BMPR1B: variants seen among roughly 807,000 people sequenced by gnomAD.
The protein encoded by BMPR1B is bone morphogenetic protein receptor type 1B.
BMPR1B carries 12 observed loss-of-function variants against 59.1 expected under a neutral mutation model. The observed-to-expected ratio is 0.20, with a 90% confidence interval of 0.13 to 0.33. BMPR1B has a LOEUF of 0.33. Among genes scored for constraint, BMPR1B ranks in the 10% least tolerant of loss-of-function variants. The probability of loss-of-function intolerance (pLI) is 1.00; values close to 1 mark genes in which losing one functional copy is unlikely to be tolerated. For synonymous variants in BMPR1B, 237 were observed against 207.3 expected, an observed-to-expected ratio of 1.14 and a Z score of -1.23; for missense variants, 550 against 610.9, an observed-to-expected ratio of 0.90 and a Z score of 1.05.
intron 3 of BMPR1B, among the ~76,000 whole-genome samples, chr4:95,080,249 T>G (rs1159034827): frequency 6.6e-6 from 1 of 152,206 alleles, no homozygotes; most frequent in Non-Finnish European, 1.5e-5. Context: ...TATGTACGTA[T>G]GTATGTATAT....
intron 3 of BMPR1B, among the ~76,000 whole-genome samples, chr4:95,046,498 G>C (rs188987802): frequency 1.8e-4 from 27 of 152,252 alleles, no homozygotes; most frequent in Admixed American, 1.2e-3. Context: ...TTAACAGTTA[G>C]GTAATGAGCA....
chr4:95,103,767 ATAGG>A (rs1364451583), intron 3 of BMPR1B, among the ~76,000 whole-genome samples: 1 of 152,098 alleles, frequency 6.6e-6, no homozygotes, highest in African/African-American at 2.4e-5. Flanking sequence ...CACTACAGTA[ATAGG>A]TAGGCATTTT....
At position 95,104,415 on chromosome 4, in the gene BMPR1B, C is replaced by T. The variant is rs957197023; in HGVS notation, c.-10C>T. The T allele has an allele frequency of 3.1e-6, 5 of 1,612,858 alleles. No individual in the cohort carries two copies. In the African/African-American group the frequency reaches 6.7e-5, roughly 22 times the overall value. ...CACTATTTCTTCTTTCAGCAAACTT[C>T]CTTGATAACATGCTTTTGCGAAGTG... On this transcript the variant is annotated 5_prime_UTR_variant, in exon 4 of 13. Transcript: ENST00000515059.
intron 3 of BMPR1B, among the ~76,000 whole-genome samples, chr4:95,096,794 T>G (rs1730427419): frequency 7.3e-6 from 1 of 137,434 alleles, no homozygotes; most frequent in Non-Finnish European, 1.5e-5. Context: ...ACTATATATC[T>G]ATATATAGAA....
At chr4:94,941,380 C>A (rs965374352) in intron 2 of BMPR1B, among the ~76,000 whole-genome samples, 12 of 149,956 alleles carry the variant, frequency 8.0e-5, no homozygotes, top group Admixed American at 4.0e-4. Flanking sequence ...TGCAGTGAGC[C>A]GAGATTGCAC....
At chr4:95,009,838 A>T (rs1216527152) in intron 3 of BMPR1B, among the ~76,000 whole-genome samples, 1 of 152,194 alleles carries the variant, frequency 6.6e-6, no homozygotes, top group African/African-American at 2.4e-5. Context: ...TCTGGGCCTC[A>T]GTGTACTCAT....
At chr4:94,791,180 G>A (rs1017279749) in intron 1 of BMPR1B, among the ~76,000 whole-genome samples, 21 of 152,110 alleles carry the variant, frequency 1.4e-4, no homozygotes, top group African/African-American at 4.8e-4. Context: ...GTAAAGATGG[G>A]GTTTCACCAT....
chr4:94,800,262 G>A (rs1390441167), intron 1 of BMPR1B, among the ~76,000 whole-genome samples: 2 of 152,142 alleles, frequency 1.3e-5, no homozygotes. Flanking sequence ...TGCAGGAAGA[G>A]CTTTTGGATT....
intron 3 of BMPR1B, among the ~76,000 whole-genome samples, chr4:95,049,913 C>A (rs1726354146): frequency 6.6e-6 from 1 of 151,970 alleles, no homozygotes; most frequent in Admixed American, 6.6e-5. Flanking sequence ...GATATGAGTT[C>A]TTTTGAACTG....
chr4:94,791,224 AGT>A lies in BMPR1B; in HGVS notation c.-183+33158_-183+33159del, dbSNP rs539910439. The stretch of plus-strand genomic sequence containing the variant: ...GGCTGGTCTCGAACTCCTGATCTCA[AGT>A]GATCCACCTGCCTTGGCCTCCCAAA... On this transcript the variant is annotated intron_variant, in intron 1 of 12. Coordinates refer to ENST00000515059, the MANE Select transcript of BMPR1B (RefSeq NM_001203.3). Among the ~76,000 whole-genome samples, 7 of 152,220 alleles carry A rather than the reference AGT, an allele frequency of 4.6e-5. No homozygotes were observed. In the East Asian group the frequency reaches 1.4e-3, roughly 29 times the overall value.
chr4:95,064,027 C>T (rs1225105092), intron 3 of BMPR1B, among the ~76,000 whole-genome samples: 1 of 152,006 alleles, frequency 6.6e-6, no homozygotes, highest in Non-Finnish European at 1.5e-5. Context: ...AACCCTTAAC[C>T]ACTGTTAGTT....
intron 2 of BMPR1B, among the ~76,000 whole-genome samples, chr4:94,890,624 C>T (rs1379638963): frequency 6.6e-6 from 1 of 151,986 alleles, no homozygotes; most frequent in African/African-American, 2.4e-5. Context: ...TATTTTTTTC[C>T]ACAGTTCTGG....
chr4:95,104,674 C>G, intron 4 of BMPR1B, 107 bp downstream of exon 4: 1 of 1,365,312 alleles, frequency 7.3e-7, no homozygotes, highest in South Asian at 1.2e-5. Context: ...AGAACAATGC[C>G]TAACACTATC....
At chr4:94,974,742 T>G (rs1730947962) in intron 2 of BMPR1B, among the ~76,000 whole-genome samples, 1 of 152,222 alleles carries the variant, frequency 6.6e-6, no homozygotes, top group African/African-American at 2.4e-5. Context: ...TTTGTACCTT[T>G]GTATGTCCCC....
chr4:94,783,319 T>A (rs190499692), intron 1 of BMPR1B, among the ~76,000 whole-genome samples: 1 of 152,348 alleles, frequency 6.6e-6, no homozygotes, highest in African/African-American at 2.4e-5. Flanking sequence ...TTAACTCTTT[T>A]CCTAGTTCTC....
intron 3 of BMPR1B, among the ~76,000 whole-genome samples, chr4:95,041,850 A>G (rs1271875295): frequency 1.3e-5 from 2 of 151,854 alleles, no homozygotes; most frequent in East Asian, 3.9e-4. Flanking sequence ...AAATACTCCA[A>G]AATCCAAAAC....
chr4:95,051,563 G>A lies in BMPR1B; in HGVS notation c.-17-52845G>A, dbSNP rs776930327. On this transcript the variant is annotated intron_variant, in intron 3 of 12. Coordinates refer to ENST00000515059, the MANE Select transcript of BMPR1B (RefSeq NM_001203.3). ...AGTTTGTAACAGGCTTGTCTTTCACGGTCCTGTCTCAGGGTTGCTGGCAGG... is the reference window on the plus strand; with the variant it reads ...AGTTTGTAACAGGCTTGTCTTTCACAGTCCTGTCTCAGGGTTGCTGGCAGG... 4.9e-5 allele frequency: 35 copies of A among 720,982 alleles called. No homozygotes were observed. In the Middle Eastern group the frequency reaches 1.2e-3, roughly 25 times the overall value. The allele number at this position is 720,982 out of a possible 1,614,324, so 44.7% of individuals were successfully genotyped here. A position where few individuals can be genotyped will look rare whatever the true frequency, so the allele number is the denominator to read the frequency against.
chr4:95,119,179 G>T (rs927790885), intron 6 of BMPR1B, among the ~76,000 whole-genome samples: 1 of 152,108 alleles, frequency 6.6e-6, no homozygotes, highest in Non-Finnish European at 1.5e-5. Flanking sequence ...TTTTGGTTGA[G>T]TATCTAGCAT....
At chr4:95,096,923 TAAATC>T (rs1021462242) in intron 3 of BMPR1B, among the ~76,000 whole-genome samples, 2 of 142,304 alleles carry the variant, frequency 1.4e-5, no homozygotes, top group Non-Finnish European at 3.0e-5. Context: ...AAATATATAT[TAAATC>T]AAATTAAATA....
Sources: allele counts gnomAD v4.1 joint callset (sites outside exome capture counted in the v4.1 genomes callset), GRCh38; gene constraint gnomAD v4.1.1; transcripts MANE v1.5; gene names NCBI Gene and HGNC (gene_info 2026-07-23, HGNC 2026-07-21).